Variants in PTPRR observed in about 807,000 individuals in gnomAD.
The protein encoded by PTPRR is protein tyrosine phosphatase receptor type R.
Under a neutral mutation model 77.2 loss-of-function variants are expected in PTPRR, and 38 were observed. The ratio of observed to expected loss-of-function variants is 0.49; its 90% CI spans 0.38 to 0.65. The LOEUF is 0.65. Ranked by LOEUF, PTPRR falls within the 30% of genes least tolerant of loss-of-function variation. The pLI is 0.00. For synonymous variants in PTPRR, 299 were observed against 283.1 expected (o/e 1.06, Z -0.57); for missense variants, 744 against 799.2 (o/e 0.93, Z 0.83).
chr12:70,684,909 C>A, intron 8 of PTPRR, 126 bp from the exon 9 acceptor site: 2 of 611,474 alleles, frequency 3.3e-6, no homozygotes, highest in Non-Finnish European at 5.6e-6. Flanking sequence ...CAATGTTTGT[C>A]TTTGGTGTCC....
At chr12:70,662,087 A>C (rs1299469685) in intron 11 of PTPRR, among the ~76,000 whole-genome samples, 2 of 152,136 alleles carry the variant, frequency 1.3e-5, no homozygotes, top group Non-Finnish European at 2.9e-5. Flanking sequence ...CTTGCTTCCC[A>C]CTGCCACCCA....
intron 8 of PTPRR, among the ~76,000 whole-genome samples, chr12:70,691,848 A>G (rs536855820): frequency 3.3e-5 from 5 of 152,082 alleles, no homozygotes; most frequent in South Asian, 4.2e-4. Flanking sequence ...CCTGCCTTCA[A>G]TCTTGCTTTT....
At chr12:70,873,285 C>T (rs1334010103) in intron 2 of PTPRR, among the ~76,000 whole-genome samples, 1 of 152,194 alleles carries the variant, frequency 6.6e-6, no homozygotes. Context: ...AGCCTTGAGA[C>T]TCACTCCCTC....
chr12:70,766,264 G>A (rs1055288059), intron 2 of PTPRR, among the ~76,000 whole-genome samples: 1 of 152,068 alleles, frequency 6.6e-6, no homozygotes, highest in Non-Finnish European at 1.5e-5. Flanking sequence ...TGAAAACTTT[G>A]AAAAAAATTT....
intron 1 of PTPRR, among the ~76,000 whole-genome samples, chr12:70,914,707 C>T (rs1489218823): frequency 1.3e-5 from 2 of 152,038 alleles, no homozygotes; most frequent in African/African-American, 2.4e-5. Context: ...CCTGTAATCC[C>T]AGCACTCTCT....
intron 6 of PTPRR, among the ~76,000 whole-genome samples, chr12:70,740,912 AAATT>A (rs1890025868): frequency 6.6e-6 from 1 of 152,142 alleles, no homozygotes; most frequent in African/African-American, 2.4e-5. Flanking sequence ...ATATATATAT[AAATT>A]AAATTTTAAG....
intron 1 of PTPRR, among the ~76,000 whole-genome samples, chr12:70,916,234 A>G (rs1893773555): frequency 6.6e-6 from 1 of 152,176 alleles, no homozygotes; most frequent in Admixed American, 6.5e-5. Context: ...TTGTGGGATT[A>G]AGCTGTGGAG....
chr12:70,713,382 A>G (rs1165907589), intron 6 of PTPRR, among the ~76,000 whole-genome samples: 1 of 152,158 alleles, frequency 6.6e-6, no homozygotes, highest in Non-Finnish European at 1.5e-5. Flanking sequence ...TTGCATGAAC[A>G]TATGTTTTCA....
chr12:70,740,978 AT>A (rs757873717), intron 6 of PTPRR, among the ~76,000 whole-genome samples: 2 of 152,188 alleles, frequency 1.3e-5, no homozygotes, highest in Non-Finnish European at 2.9e-5. Context: ...CATTCTTCAA[AT>A]TTGGTCACTC....
At chr12:70,907,125 G>A (rs893203564) in intron 1 of PTPRR, 1 of 152,182 alleles carries the variant, frequency 6.6e-6, no homozygotes, top group East Asian at 1.9e-4. Context: ...ACCAGGAAGT[G>A]TTGTGACATT....
chr12:70,786,418 A>C (rs185486344), intron 2 of PTPRR, among the ~76,000 whole-genome samples: 1 of 152,114 alleles, frequency 6.6e-6, no homozygotes, highest in Non-Finnish European at 1.5e-5. Flanking sequence ...ACTCTTTTTT[A>C]AAAAAATTAA....
intron 2 of PTPRR, among the ~76,000 whole-genome samples, chr12:70,829,152 C>T (rs1235094718): frequency 1.3e-5 from 2 of 151,656 alleles, no homozygotes; most frequent in Non-Finnish European, 2.9e-5. Context: ...TTCCATATCT[C>T]AGTGTCTAGA....
At chr12:70,639,394 A>G in intron 13 of PTPRR, 117 bp from the exon 14 acceptor site, 2 of 1,391,436 alleles carry the variant, frequency 1.4e-6, no homozygotes, top group East Asian at 2.4e-5. Context: ...CAGTCGACCT[A>G]GTGGTTCTTT....
intron 1 of PTPRR, among the ~76,000 whole-genome samples, chr12:70,909,438 A>T (rs1361894076): frequency 6.6e-6 from 1 of 152,198 alleles, no homozygotes; most frequent in East Asian, 1.9e-4. Flanking sequence ...GAATGTACCT[A>T]TAGTCAGGGA....
chr12:70,772,923 G>A (rs1891010750), intron 2 of PTPRR, among the ~76,000 whole-genome samples: 1 of 151,820 alleles, frequency 6.6e-6, no homozygotes, highest in Admixed American at 6.6e-5. Context: ...TCATACTAGA[G>A]GCTGGAAGTC....
chr12:70,656,444 G>C (rs1211629922), intron 13 of PTPRR, among the ~76,000 whole-genome samples: 1 of 151,246 alleles, frequency 6.6e-6, no homozygotes, highest in Non-Finnish European at 1.5e-5. Context: ...TGTGAGGATT[G>C]CTTGAGCCCA....
chr12:70,657,885 TCTC>T lies in PTPRR; in HGVS notation c.1767-1071_1767-1069del, dbSNP rs1338424298. Reference sequence around the variant, plus strand: ...ATAGACTGTAATCACGTTTTCAACATCTCCTTTTTTCATGATTAGCAGTGATCT... The same window carrying T: ...ATAGACTGTAATCACGTTTTCAACATCTTTTTTCATGATTAGCAGTGATCT... On this transcript the variant is annotated intron_variant, in intron 12 of 13. Coordinates refer to ENST00000283228, the MANE Select transcript of PTPRR (RefSeq NM_002849.4). Among the ~76,000 whole-genome samples the T allele has an allele frequency of 2.6e-5, 4 of 152,184 alleles. 1 individual carries two copies. The highest frequency in any genetic ancestry group is 5.9e-5 in the Non-Finnish European group (4 of 68,048).
chr12:70,754,231 A>C lies in PTPRR; in HGVS notation c.698T>G (p.Ile233Ser). The change falls in exon 5 of 14, where the codon ATT (isoleucine) becomes AGT (serine). Residue 233 changes from isoleucine to serine, a missense_variant. Ile to Ser is a moderately radical substitution (Grantham distance 142). Transcript: ENST00000283228. The part of the protein sequence containing the change: ...WSKEGFYAVV[I>S]FLSIFVIIVT... The stretch of plus-strand genomic sequence containing the variant: ...TATAATAACAAAGATGCTGAGAAAA[A>C]TGACAACAGCATAAAATCCTTCTTT... The C allele has an allele frequency of 6.2e-7, 1 of 1,613,776 alleles. No individual in the cohort carries two copies. Among genetic ancestry groups the C allele is most frequent in the Non-Finnish European group, 8.5e-7 (1 of 1,179,818 alleles).
At chr12:70,699,733 A>G (rs1437339924) in intron 7 of PTPRR, among the ~76,000 whole-genome samples, 38 of 152,228 alleles carry the variant, frequency 2.5e-4, no homozygotes, top group Admixed American at 2.5e-3. Flanking sequence ...AGTTATAAAA[A>G]TAAGCAAAAT....
Sources: allele counts gnomAD v4.1 joint callset (sites outside exome capture counted in the v4.1 genomes callset), GRCh38; gene constraint gnomAD v4.1.1; transcripts MANE v1.5; gene names NCBI Gene and HGNC (gene_info 2026-07-23, HGNC 2026-07-21).